Variants in PHKA2 observed in about 807,000 individuals in gnomAD.
The protein encoded by PHKA2 is phosphorylase kinase regulatory subunit alpha 2.
Under a neutral mutation model 102.0 loss-of-function variants are expected in PHKA2, and 31 were observed. The observed-to-expected ratio is 0.30, with a 90% CI of 0.23 to 0.41. PHKA2 has a LOEUF of 0.41. PHKA2 is among the 10% of genes least tolerant of loss of function. The pLI, the probability that PHKA2 is intolerant of heterozygous loss-of-function variation, is 1.00. For missense variants in PHKA2, 858 were observed against 1,023.1 expected, an observed-to-expected ratio of 0.84 and a Z score of 2.20; for synonymous variants, 455 against 416.2, an observed-to-expected ratio of 1.09 and a Z score of -1.13.
intron 26 of PHKA2, among the ~76,000 whole-genome samples, chrX:18,904,656 C>T (rs1347598321): frequency 8.9e-6 from 1 of 112,205 alleles, no homozygotes; most frequent in East Asian, 2.8e-4. Context: ...GAGCACCCCT[C>T]CTTCGGGAAA....
At chrX:18,919,903 C>A in intron 18 of PHKA2, 129 bp downstream of exon 18, 1 of 569,446 alleles carries the variant, frequency 1.8e-6, no homozygotes. Flanking sequence ...TTTCAGAAGC[C>A]TCTTTTTTGT....
intron 1 of PHKA2, among the ~76,000 whole-genome samples, chrX:18,974,373 C>T (rs2049056803): frequency 1.8e-5 from 2 of 111,421 alleles, no homozygotes; most frequent in Non-Finnish European, 3.8e-5. Flanking sequence ...AACTGTCGGA[C>T]ATGGTCACCA....
At chrX:18,966,789 T>C (rs1033488158) in intron 1 of PHKA2, among the ~76,000 whole-genome samples, 3 of 111,711 alleles carry the variant, frequency 2.7e-5, no homozygotes, top group Admixed American at 9.5e-5. Flanking sequence ...TCTGCCCCAA[T>C]TGGACCCAGT....
At chrX:18,939,927 G>T in intron 9 of PHKA2, 68 bp downstream of exon 9, 1 of 745,680 alleles carries the variant, frequency 1.3e-6, no homozygotes, top group South Asian at 2.1e-5. Context: ...AGCAGAGGGA[G>T]AACAACACAT....
Position 18,983,963 on chromosome X carries a change from A to ATCT in PHKA2, c.-34_-32dup, listed in dbSNP as rs1166289741. ...CGAGGCTCCCAGGCCGCAGCGCCCGATCTGCCGCGTGGGCGCGGGACGTCG... is the reference window on the plus strand; with the variant it reads ...CGAGGCTCCCAGGCCGCAGCGCCCGATCTTCTGCCGCGTGGGCGCGGGACGTCG... On this transcript the variant is annotated 5_prime_UTR_variant, in exon 1 of 33. Transcript: ENST00000379942. 8.6e-7 allele frequency: 1 copy of ATCT among 1,157,348 alleles called. No homozygotes were observed. Among genetic ancestry groups the ATCT allele is most frequent in the African/African-American group, 1.8e-5 (1 of 56,629 alleles).
At chrX:18,969,480 T>A (rs779660127) in intron 1 of PHKA2, among the ~76,000 whole-genome samples, 5 of 112,014 alleles carry the variant, frequency 4.5e-5, no homozygotes, top group African/African-American at 1.3e-4. Flanking sequence ...TGAAAAAAAA[T>A]TTTTAATGCT....
intron 1 of PHKA2, among the ~76,000 whole-genome samples, chrX:18,972,085 G>C (rs1444485935): frequency 3.5e-5 from 4 of 112,748 alleles, no homozygotes; most frequent in Non-Finnish European, 5.6e-5. Context: ...TCTATTTTAA[G>C]TTTTATAGCT....
chrX:18,943,398 G>A (rs2048525230), intron 7 of PHKA2, among the ~76,000 whole-genome samples: 1 of 112,266 alleles, frequency 8.9e-6, no homozygotes, highest in Non-Finnish European at 1.9e-5. Flanking sequence ...CCATCTATGT[G>A]CTCAAAAGAC....
chrX:18,961,649 G>A (rs1215927762), intron 1 of PHKA2, among the ~76,000 whole-genome samples: 3 of 74,382 alleles, frequency 4.0e-5, no homozygotes, highest in Admixed American at 2.0e-4. Context: ...AACAGCGCAA[G>A]ACTCCATCTC....
At chrX:18,974,488 G>C (rs2049058733) in intron 1 of PHKA2, among the ~76,000 whole-genome samples, 1 of 111,745 alleles carries the variant, frequency 8.9e-6, no homozygotes, top group Non-Finnish European at 1.9e-5. Flanking sequence ...CCTCCTCCTT[G>C]AATCACTTTC....
intron 11 of PHKA2, among the ~76,000 whole-genome samples, chrX:18,932,452 G>C (rs190187967): frequency 1.8e-5 from 2 of 111,058 alleles, no homozygotes; most frequent in African/African-American, 6.5e-5. Flanking sequence ...TCCAGAAAAC[G>C]TAAGTCAACC....
intron 10 of PHKA2, among the ~76,000 whole-genome samples, chrX:18,937,354 G>T (rs1569317230): frequency 9.0e-6 from 1 of 111,365 alleles, no homozygotes; most frequent in African/African-American, 3.3e-5. Flanking sequence ...ATCAGTAAAT[G>T]TTTACTGAGC....
At chrX:18,918,365 G>C (rs1417726965) in intron 19 of PHKA2, among the ~76,000 whole-genome samples, 2 of 112,411 alleles carry the variant, frequency 1.8e-5, no homozygotes, top group African/African-American at 6.5e-5. Context: ...TTAACCCCTT[G>C]GTGGGTTAGG....
In PHKA2 at chrX:18,892,301, G is replaced by C. The variant is rs915817654; in HGVS notation, c.*1184C>G. The C allele has an allele frequency of 2.7e-5, 3 of 112,726 alleles. No homozygotes were observed. The highest frequency in any genetic ancestry group is 5.6e-5 in the Non-Finnish European group (3 of 53,346). The allele number at this position is 112,726 out of a possible 1,213,427, so 9.3% of individuals were successfully genotyped here. A position where few individuals can be genotyped will look rare whatever the true frequency, so the allele number is the denominator to read the frequency against. On this transcript the variant is annotated 3_prime_UTR_variant, in exon 33 of 33. Coordinates refer to ENST00000379942, the MANE Select transcript of PHKA2 (RefSeq NM_000292.3). ...AGCGCACCTCCTGGCCACTAGGTGA[G>C]CATTTGTCTTTCAAGGTTTATTATT...
chrX:18,957,190 C>T, intron 1 of PHKA2, among the ~76,000 whole-genome samples: 1 of 112,817 alleles, frequency 8.9e-6, no homozygotes, highest in South Asian at 3.6e-4. Context: ...AGGCAAGAGC[C>T]ACCGCACCCA....
chrX:18,895,008 CAGCTCAG>C, intron 31 of PHKA2, 123 bp downstream of exon 31: 1 of 651,832 alleles, frequency 1.5e-6, no homozygotes. Flanking sequence ...AGGGGCTAGA[CAGCTCAG>C]AGCTACAAAT....
chrX:18,906,616 C>A lies in PHKA2; in HGVS notation c.2685G>T (p.Val895=). ...ISIAVLTQEI[V]VYLAMYVRAQ... The stretch of plus-strand genomic sequence containing the variant: ...CCCTGACATACATGGCCAGGTAAAC[C>A]ACAATCTCCTGAGGCAGACACACAC... The change falls in exon 25 of 33, where the codon GTG becomes GTT. Residue 895 remains valine, a synonymous_variant. Coordinates refer to ENST00000379942, the MANE Select transcript of PHKA2 (RefSeq NM_000292.3). 1 of 1,202,078 alleles carries A rather than the reference C, an allele frequency of 8.3e-7. No individual in the cohort carries two copies. The highest frequency in any genetic ancestry group is 1.1e-6 in the Non-Finnish European group (1 of 886,304).
intron 8 of PHKA2, 68 bp downstream of exon 8, chrX:18,941,461 G>A: frequency 1.0e-6 from 1 of 983,465 alleles, no homozygotes; most frequent in Non-Finnish European, 1.5e-6. Flanking sequence ...ATGGGGAACT[G>A]AGGCATGGGT....
intron 25 of PHKA2, 151 bp downstream of exon 25, chrX:18,906,343 TA>T: frequency 1.5e-6 from 1 of 660,616 alleles, no homozygotes; most frequent in Non-Finnish European, 2.4e-6. Context: ...GAGTTCCATC[TA>T]AATGAGAGAA....
Sources: gnomAD v4.1 joint callset for allele counts (sites outside exome capture counted in the v4.1 genomes callset) on GRCh38, gnomAD v4.1.1 for gene constraint, MANE v1.5 for transcripts, NCBI Gene and HGNC (gene_info 2026-07-23, HGNC 2026-07-21) for gene names.